EXOC6B: variants seen among roughly 807,000 people sequenced by gnomAD.
The protein encoded by EXOC6B is SEC15 homolog B.
A neutral mutation model predicts 113.5 loss-of-function variants in EXOC6B; 54 were observed. The ratio of observed to expected loss-of-function variants is 0.48; its 90% CI spans 0.38 to 0.60. The LOEUF (loss-of-function observed/expected upper bound fraction) is 0.60, where lower values mean the gene tolerates loss of function less well. Among genes scored for constraint, EXOC6B ranks in the 20% least tolerant of loss-of-function variants. EXOC6B has a pLI of 0.00. For synonymous variants in EXOC6B, 357 were observed against 339.0 expected (o/e 1.05, Z -0.58); for missense variants, 797 against 977.5 (o/e 0.82, Z 2.46).
intron 11 of EXOC6B, among the ~76,000 whole-genome samples, chr2:72,507,017 T>G (rs1178640443): frequency 6.6e-6 from 1 of 152,100 alleles, no homozygotes; most frequent in Non-Finnish European, 1.5e-5. Flanking sequence ...TTATGTAAGA[T>G]CTTATGTTTT....
chr2:72,749,153 C>T (rs1201852982), intron 1 of EXOC6B, among the ~76,000 whole-genome samples: 2 of 151,970 alleles, frequency 1.3e-5, no homozygotes, highest in Admixed American at 1.3e-4. Context: ...AATGTTGCTG[C>T]TAATTATAAG....
At chr2:72,783,501 T>C (rs144194652) in intron 1 of EXOC6B, among the ~76,000 whole-genome samples, 5,693 of 151,770 alleles carry the variant, frequency 0.038, 334 homozygotes, top group African/African-American at 0.13. Flanking sequence ...TTTTTGTATT[T>C]TTAGTAGAGA....
rs186226768 is a variant in EXOC6B at position 72,694,925 on chromosome 2, T to C, written c.669+23178A>G. The stretch of plus-strand genomic sequence containing the variant: ...TCAGTATCACATAAAGTTTAACACA[T>C]GCTTTGAAATATGCACCAGATTCAA... On this transcript the variant is annotated intron_variant, in intron 6 of 21. Coordinates refer to ENST00000272427, the MANE Select transcript of EXOC6B (RefSeq NM_015189.3). Among the ~76,000 whole-genome samples the C allele has an allele frequency of 5.7e-3, 875 of 152,314 alleles. 5 individuals carry two copies. Among genetic ancestry groups the C allele is most frequent in the Non-Finnish European group, 9.9e-3 (673 of 68,024 alleles).
intron 7 of EXOC6B, among the ~76,000 whole-genome samples, chr2:72,569,415 G>A (rs1352964694): frequency 6.6e-6 from 1 of 151,938 alleles, no homozygotes; most frequent in Non-Finnish European, 1.5e-5. Flanking sequence ...AATATAAGCA[G>A]TATTATATTT....
At chr2:72,503,611 T>C (rs1700444704) in intron 11 of EXOC6B, among the ~76,000 whole-genome samples, 2 of 152,226 alleles carry the variant, frequency 1.3e-5, no homozygotes, top group South Asian at 4.1e-4. Flanking sequence ...ACAAACATGG[T>C]TGCTTCCATG....
Position 72,220,757 on chromosome 2 carries a change from T to C in EXOC6B, c.2197-36570A>G, listed in dbSNP as rs138387719. 7.9e-3 allele frequency among the ~76,000 whole-genome samples: 1,208 copies of C among 152,314 alleles called. 12 individuals are homozygous for C. The highest frequency in any genetic ancestry group is 0.011 in the Non-Finnish European group (732 of 68,014). On this transcript the variant is annotated intron_variant, in intron 20 of 21. Transcript: ENST00000272427. ...AGACAAACTGTGCACGATACACTAC[T>C]GCTGTACTAACCTCAAACATTGTAC... is the stretch of plus-strand genomic sequence containing the variant.
intron 1 of EXOC6B, among the ~76,000 whole-genome samples, chr2:72,814,264 A>G (rs1399660845): frequency 6.6e-6 from 1 of 152,262 alleles, no homozygotes; most frequent in Non-Finnish European, 1.5e-5. Context: ...GTACAATAGA[A>G]CATTTATTTA....
chr2:72,441,654 A>T (rs1398220755), intron 18 of EXOC6B, among the ~76,000 whole-genome samples: 1 of 152,222 alleles, frequency 6.6e-6, no homozygotes, highest in Non-Finnish European at 1.5e-5. Context: ...CTAATCGATA[A>T]GTTTCTGGAC....
intron 20 of EXOC6B, among the ~76,000 whole-genome samples, chr2:72,218,565 T>C (rs1438865395): frequency 6.6e-6 from 1 of 152,244 alleles, no homozygotes; most frequent in Non-Finnish European, 1.5e-5. Context: ...TGATAAGTTT[T>C]CATTTGTTCC....
chr2:72,433,057 C>T (rs1005192368), intron 18 of EXOC6B, among the ~76,000 whole-genome samples: 3 of 152,174 alleles, frequency 2.0e-5, no homozygotes, highest in African/African-American at 7.2e-5. Context: ...ACATTTAAGT[C>T]TTTAATCCAT....
chr2:72,594,691 T>A (rs1388714151), intron 6 of EXOC6B, among the ~76,000 whole-genome samples: 2 of 152,168 alleles, frequency 1.3e-5, no homozygotes, highest in Non-Finnish European at 2.9e-5. Context: ...GTATTTTCTA[T>A]GAGAAAAAAG....
At chr2:72,198,888 G>T (rs1206722419) in intron 20 of EXOC6B, among the ~76,000 whole-genome samples, 1 of 152,156 alleles carries the variant, frequency 6.6e-6, no homozygotes. Context: ...GTCCAAAGTG[G>T]GGACCATATT....
At chr2:72,527,052 C>T (rs762321659) in intron 8 of EXOC6B, among the ~76,000 whole-genome samples, 16 of 151,968 alleles carry the variant, frequency 1.1e-4, no homozygotes, top group African/African-American at 3.9e-4. Context: ...ATAGCCATAT[C>T]GACTGCTCTC....
intron 8 of EXOC6B, among the ~76,000 whole-genome samples, chr2:72,530,296 C>T (rs1250584449): frequency 6.6e-6 from 1 of 152,166 alleles, no homozygotes; most frequent in Non-Finnish European, 1.5e-5. Flanking sequence ...ACACTGTGTG[C>T]CACAAATCTT....
At chr2:72,763,943 T>G (rs970644898) in intron 1 of EXOC6B, among the ~76,000 whole-genome samples, 3 of 151,124 alleles carry the variant, frequency 2.0e-5, no homozygotes, top group Non-Finnish European at 4.4e-5. Flanking sequence ...TAGCCGGGTG[T>G]GGTGGCATGC....
intron 11 of EXOC6B, among the ~76,000 whole-genome samples, chr2:72,507,618 G>A (rs1206769526): frequency 6.6e-6 from 1 of 151,912 alleles, no homozygotes; most frequent in Non-Finnish European, 1.5e-5. Flanking sequence ...ATACCCTTTA[G>A]CTATCACCTC....
At chr2:72,535,295 G>A (rs191692292) in intron 8 of EXOC6B, among the ~76,000 whole-genome samples, 2 of 152,228 alleles carry the variant, frequency 1.3e-5, no homozygotes, top group East Asian at 3.9e-4. Flanking sequence ...TTTGCGAAAT[G>A]AATAAAGTAT....
chr2:72,526,785 G>GA (rs920127561), intron 8 of EXOC6B, among the ~76,000 whole-genome samples: 2 of 151,840 alleles, frequency 1.3e-5, no homozygotes, highest in African/African-American at 4.8e-5. Context: ...CAGGTGAAGA[G>GA]AAAAAAGCAA....
intron 8 of EXOC6B, among the ~76,000 whole-genome samples, chr2:72,551,509 C>CTT (rs796570008): frequency 8.2e-5 from 9 of 109,972 alleles, no homozygotes; most frequent in African/African-American, 2.4e-4. Flanking sequence ...ATAATAAAAT[C>CTT]TTTTTTTTTT....
Sources: allele counts gnomAD v4.1 joint callset (sites outside exome capture counted in the v4.1 genomes callset), GRCh38; gene constraint gnomAD v4.1.1; transcripts MANE v1.5; gene names NCBI Gene and HGNC (gene_info 2026-07-23, HGNC 2026-07-21).